COL4A4: variants seen among roughly 807,000 people sequenced by gnomAD.
The protein encoded by COL4A4 is collagen alpha-4(IV) chain.
Under a neutral mutation model 192.9 loss-of-function variants are expected in COL4A4, and 105 were observed. The observed-to-expected ratio is 0.54, with a 90% CI of 0.46 to 0.64. COL4A4 has a LOEUF of 0.64. Among genes scored for constraint, COL4A4 ranks in the 30% least tolerant of loss-of-function variants. COL4A4 has a pLI of 0.00. For synonymous variants in COL4A4, 762 were observed against 769.9 expected, an observed-to-expected ratio of 0.99 and a Z score of 0.17; for missense variants, 1,967 against 2,169.3, an observed-to-expected ratio of 0.91 and a Z score of 1.85.
chr2:227,052,203 A>AT, intron 32 of COL4A4, 102 bp downstream of exon 32: 1 of 739,818 alleles, frequency 1.4e-6, no homozygotes, highest in Non-Finnish European at 2.4e-6. Context: ...AAAAAAAAAA[A>AT]GTCTTTTCTA....
chr2:227,102,793 G>T lies in COL4A4; in HGVS notation c.926C>A (p.Pro309His), dbSNP rs758573964. Residue 309 changes from proline to histidine, a missense_variant, in exon 15 of 48, where the codon CCT becomes CAT. Pro to His is a moderately conservative substitution (Grantham distance 77). Transcript: ENST00000396625. Reference sequence around the variant, plus strand: ...TTAACAGCAAATGATGCTTACCCGAGGCCCTGGAAATCCAGGAATACCTTT... The same window carrying T: ...TTAACAGCAAATGATGCTTACCCGATGCCCTGGAAATCCAGGAATACCTTT... Reference protein sequence around the residue: ...GEKGIPGFPGPRGDPGSYGSP... With the variant: ...GEKGIPGFPGHRGDPGSYGSP... The T allele has an allele frequency of 7.4e-6, 12 of 1,612,642 alleles. No individual in the cohort carries two copies. Among genetic ancestry groups the T allele is most frequent in the Non-Finnish European group, 5.9e-6 (7 of 1,178,802 alleles).
intron 12 of COL4A4, 35 bp downstream of exon 12, chr2:227,108,546 A>G: frequency 6.2e-7 from 1 of 1,601,902 alleles, no homozygotes; most frequent in Non-Finnish European, 8.6e-7. Flanking sequence ...CACACACGTC[A>G]CCATCTGCTC....
rs558014927 is a variant in COL4A4, at chr2:227,103,006, T to C, written c.870+138A>G. 2.0e-5 allele frequency: 21 copies of C among 1,043,252 alleles called. No individual in the cohort carries two copies. In the African/African-American group the frequency reaches 2.9e-4, roughly 14 times the overall value. The allele number at this position is 1,043,252 out of a possible 1,614,324, so 64.6% of individuals were successfully genotyped here. A position where few individuals can be genotyped will look rare whatever the true frequency, so the allele number is the denominator to read the frequency against. On this transcript the variant is annotated intron_variant, in intron 14 of 47. Transcript: ENST00000396625. ...CTACTTTAGAATAGAAGCTCTATAG[T>C]ATTATGATAAGATAGTGAAAAATTC...
intron 42 of COL4A4, among the ~76,000 whole-genome samples, chr2:227,027,607 C>T (rs1215546278): frequency 6.6e-6 from 1 of 150,384 alleles, no homozygotes; most frequent in African/African-American, 2.4e-5. Context: ...ACGTTGTGCA[C>T]ATGTACACTA....
rs786205640 is a variant in COL4A4 at position 227,057,563 on chromosome 2, AC to A, written c.2420del (p.Gly807ValfsTer62). On this transcript the variant is annotated frameshift_variant, in exon 29 of 48. Coordinates refer to ENST00000396625, the MANE Select transcript of COL4A4 (RefSeq NM_000092.5). LOFTEE classifies it high-confidence loss of function. Reference protein sequence around the residue: ...AGIPGFLGLKGPKGREGHAGF... With the variant: ...AGIPGFLGLKXPKGREGHAGF... ...CAGCATGTCCCTCTCTGCCTTTGGG[AC>A]CTTTGAGACCTAGGAATCCAGGAAT... 6.2e-7 allele frequency: 1 copy of A among 1,614,088 alleles called. No individual in the cohort carries two copies. The highest frequency in any genetic ancestry group is 1.6e-4 in the Middle Eastern group (1 of 6,062).
rs556897058 is a variant in COL4A4, at chr2:227,004,980, A to G, written c.*2345T>C. 6.6e-6 allele frequency: 1 copy of G among 152,348 alleles called. No homozygotes were observed. Among genetic ancestry groups the G allele is most frequent in the African/African-American group, 2.4e-5 (1 of 41,570 alleles). The allele number at this position is 152,348 out of a possible 1,614,324, so 9.4% of individuals were successfully genotyped here. A position where few individuals can be genotyped will look rare whatever the true frequency, so the allele number is the denominator to read the frequency against. The stretch of plus-strand genomic sequence containing the variant: ...GGTAATTGAAGGCACATTGATATAT[A>G]ACCAGGTGAAGAAAATAATGGTTTA... On this transcript the variant is annotated 3_prime_UTR_variant, in exon 48 of 48. Transcript: ENST00000396625.
At chr2:227,031,837 G>T (rs1968483499) in intron 40 of COL4A4, 108 bp downstream of exon 40, 3 of 834,798 alleles carry the variant, frequency 3.6e-6, no homozygotes, top group African/African-American at 3.4e-5. Flanking sequence ...GCTGATGGGG[G>T]GCTGCTTCAG....
At chr2:227,017,318 G>C (rs1965107132) in intron 44 of COL4A4, among the ~76,000 whole-genome samples, 1 of 152,212 alleles carries the variant, frequency 6.6e-6, no homozygotes, top group Admixed American at 6.5e-5. Context: ...AAACAGGAAG[G>C]AAGGCTCTTC....
intron 25 of COL4A4, among the ~76,000 whole-genome samples, chr2:227,065,350 A>G (rs1322919852): frequency 5.3e-5 from 8 of 152,318 alleles, no homozygotes; most frequent in African/African-American, 7.2e-5. Flanking sequence ...AAAGCAGCCC[A>G]GAAGCTCAAA....
chr2:227,092,615 T>C (rs2060000296), intron 20 of COL4A4, among the ~76,000 whole-genome samples: 1 of 152,176 alleles, frequency 6.6e-6, no homozygotes, highest in Admixed American at 6.5e-5. Context: ...GGTTAAATTA[T>C]AAGTATATTG....
At chr2:227,077,148 C>T (rs1171087602) in intron 25 of COL4A4, among the ~76,000 whole-genome samples, 1 of 151,968 alleles carries the variant, frequency 6.6e-6, no homozygotes, top group Non-Finnish European at 1.5e-5. Flanking sequence ...GGTATATACC[C>T]AAAGGATTAT....
At chr2:227,073,242 T>C (rs1178247564) in intron 25 of COL4A4, among the ~76,000 whole-genome samples, 1 of 152,080 alleles carries the variant, frequency 6.6e-6, no homozygotes, top group Non-Finnish European at 1.5e-5. Flanking sequence ...AGCATTGCTA[T>C]ACACCAACAA....
intron 44 of COL4A4, among the ~76,000 whole-genome samples, chr2:227,013,021 G>A (rs950115540): frequency 2.0e-5 from 3 of 152,144 alleles, no homozygotes; most frequent in Admixed American, 1.3e-4. Flanking sequence ...CAGACCCTGC[G>A]CCTGACAAGC....
intron 29 of COL4A4, among the ~76,000 whole-genome samples, chr2:227,056,619 T>C (rs1975428493): frequency 6.6e-6 from 1 of 152,238 alleles, no homozygotes; most frequent in Non-Finnish European, 1.5e-5. Flanking sequence ...GTAAACAATG[T>C]GAATAGTGAA....
Position 227,008,090 on chromosome 2 carries a change from G to A in COL4A4, c.4737C>T (p.His1579=). The A allele has an allele frequency of 1.9e-6, 3 of 1,614,106 alleles. No individual in the cohort carries two copies. The highest frequency in any genetic ancestry group is 2.5e-6 in the Non-Finnish European group (3 of 1,180,018). The change falls in exon 47 of 48, where the codon CAC becomes CAT. Residue 1579 remains histidine (H), a synonymous_variant. Transcript: ENST00000396625. ...ATGGGGGGATGGACTGGTCCTGGCT[G>A]TGCACCGCCACCGCCTGGGCCGGGG... ...CEAPAQAVAV[H]SQDQSIPPCP... is the part of the protein sequence containing the mutation.
At chr2:226,999,278 T>C (rs1005960943), downstream of COL4A4, 14 of 152,142 alleles carry the variant, frequency 9.2e-5, no homozygotes, top group African/African-American at 3.4e-4. Flanking sequence ...ATTGATATCA[T>C]TGTAGGTCTT....
intron 8 of COL4A4, 59 bp from the exon 9 acceptor site, chr2:227,111,772 T>C (rs2061224090): frequency 6.5e-7 from 1 of 1,549,016 alleles, no homozygotes; most frequent in Non-Finnish European, 8.9e-7. Flanking sequence ...ACAGAGATTA[T>C]GTAAAAATAG....
At position 227,052,352 on chromosome 2, in the gene COL4A4, G is replaced by A; in HGVS notation, c.2921C>T (p.Pro974Leu). The change falls in exon 32 of 48, where the codon CCT becomes CTT. Residue 974 changes from proline (P) to leucine (L), a missense_variant. Physicochemically the swap from Pro to Leu is moderately conservative, Grantham distance 98. Coordinates refer to ENST00000396625, the MANE Select transcript of COL4A4 (RefSeq NM_000092.5). ...EMAIISQKGT[P>L]GEPGPPGDDG... ...ATCTCCAGGAGGTCCAGGTTCCCCA[G>A]GTGTTCCCTTTTGTGAAATGATAGC... 4 of 1,613,530 alleles carry A rather than the reference G, an allele frequency of 2.5e-6. No homozygotes were observed. The highest frequency in any genetic ancestry group is 3.4e-6 in the Non-Finnish European group (4 of 1,179,460).
chr2:226,982,208 C>G, the COL4A4 span, among the ~76,000 whole-genome samples: 2 of 152,206 alleles, frequency 1.3e-5, no homozygotes, highest in African/African-American at 4.8e-5. Flanking sequence ...ACCTTTGATA[C>G]CAGCCATAAC....
Sources: gnomAD v4.1 joint callset for allele counts (sites outside exome capture counted in the v4.1 genomes callset) on GRCh38, gnomAD v4.1.1 for gene constraint, MANE v1.5 for transcripts, NCBI Gene and HGNC (gene_info 2026-07-23, HGNC 2026-07-21) for gene names.